The following ZNF92 variants were observed in gnomAD, a reference collection of about 807,000 sequenced individuals.
The protein encoded by ZNF92 is epididymis luminal protein 203.
A neutral mutation model predicts 12.4 loss-of-function variants in ZNF92; 11 were observed. The observed-to-expected ratio is 0.89, with a 90% CI of 0.56 to 1.47. ZNF92 has a LOEUF of 1.47. Among genes scored for constraint, ZNF92 ranks in the 40% most tolerant of loss-of-function variants. ZNF92 has a pLI of 0.00. For missense variants in ZNF92, 622 were observed against 681.0 expected (o/e 0.91, Z 0.96); for synonymous variants, 206 against 228.6 (o/e 0.90, Z 0.89).
chr7:65,390,887 T>A (rs2116382685), intron 3 of ZNF92, among the ~76,000 whole-genome samples: 1 of 152,282 alleles, frequency 6.6e-6, no homozygotes, highest in South Asian at 2.1e-4. Context: ...TCCAGGCCGC[T>A]GGAAGGGCAG....
At chr7:65,378,988 T>G (rs537250419) in intron 1 of ZNF92, among the ~76,000 whole-genome samples, 7 of 152,232 alleles carry the variant, frequency 4.6e-5, no homozygotes, top group African/African-American at 1.7e-4. Flanking sequence ...TTTCCCTGCT[T>G]CTTTTTTTTG....
At chr7:65,397,692 A>G (rs1057341794) in intron 3 of ZNF92, among the ~76,000 whole-genome samples, 3 of 152,054 alleles carry the variant, frequency 2.0e-5, no homozygotes, top group East Asian at 1.9e-4. Context: ...GAGTCTCTCA[A>G]ACATGTTCTT....
chr7:65,389,647 G>T (rs1304402599), intron 3 of ZNF92, among the ~76,000 whole-genome samples: 1 of 151,892 alleles, frequency 6.6e-6, no homozygotes, highest in African/African-American at 2.4e-5. Context: ...CTCCCGAGTA[G>T]CTGGGACTAT....
At chr7:65,386,442 A>G (rs763026977) in intron 1 of ZNF92, among the ~76,000 whole-genome samples, 9 of 152,078 alleles carry the variant, frequency 5.9e-5, no homozygotes, top group Non-Finnish European at 1.2e-4. Flanking sequence ...ATATGGGAGG[A>G]TGAATATACT....
chr7:65,382,741 C>T (rs570446828), intron 1 of ZNF92, among the ~76,000 whole-genome samples: 22 of 152,144 alleles, frequency 1.4e-4, no homozygotes, highest in African/African-American at 4.6e-4. Context: ...TTTAAAATGC[C>T]CACAAATGTG....
At position 65,374,326 on chromosome 7, in the gene ZNF92, G is replaced by A. The variant is rs187897298; in HGVS notation, c.3+326G>A. On this transcript the variant is annotated intron_variant, in intron 1 of 3. Coordinates refer to ENST00000328747, the MANE Select transcript of ZNF92 (RefSeq NM_152626.4). Reference sequence around the variant, plus strand: ...GGAGAATAGTAAAGAGAAGAATCCTGACTCGGGGTGCGGGGTTTATGAATG... The same window carrying A: ...GGAGAATAGTAAAGAGAAGAATCCTAACTCGGGGTGCGGGGTTTATGAATG... 9.2e-5 allele frequency among the ~76,000 whole-genome samples: 14 copies of A among 152,288 alleles called. No individual in the cohort carries two copies. In the East Asian group the frequency reaches 2.7e-3, roughly 29 times the overall value.
intron 3 of ZNF92, among the ~76,000 whole-genome samples, chr7:65,395,684 T>C (rs1220847588): frequency 6.6e-6 from 1 of 152,130 alleles, no homozygotes; most frequent in Non-Finnish European, 1.5e-5. Context: ...TAGACAGTTA[T>C]GGTAGTTATA....
intron 3 of ZNF92, among the ~76,000 whole-genome samples, chr7:65,393,668 A>T (rs1426415384): frequency 1.3e-5 from 2 of 151,216 alleles, no homozygotes; most frequent in African/African-American, 4.9e-5. Flanking sequence ...GGTGCCTTTT[A>T]AAAAATGTAT....
intron 3 of ZNF92, among the ~76,000 whole-genome samples, chr7:65,398,103 C>A (rs1376581857): frequency 6.6e-6 from 1 of 152,054 alleles, no homozygotes; most frequent in Non-Finnish European, 1.5e-5. Context: ...CTATGTAGCT[C>A]TTTGCATTGT....
rs1207888499 is a variant in ZNF92, at chr7:65,394,384, CTCTAT to C, written c.227-3953_227-3949del. Reference sequence around the variant, plus strand: ...ATATAGAAGGGTTCATTTCTAGGCTCTCTATTCTGTTCTTTCATCTCTTTATCTGT... The same window carrying C: ...ATATAGAAGGGTTCATTTCTAGGCTCTCTGTTCTTTCATCTCTTTATCTGT... On this transcript the variant is annotated intron_variant, in intron 3 of 3. Transcript: ENST00000328747. Among the ~76,000 whole-genome samples, 68 of 152,094 alleles carry C rather than the reference CTCTAT, an allele frequency of 4.5e-4. 1 individual carries two copies. Among genetic ancestry groups the C allele is most frequent in the African/African-American group, 1.5e-3 (64 of 41,494 alleles).
At chr7:65,380,904 AG>A (rs1204290909) in intron 1 of ZNF92, among the ~76,000 whole-genome samples, 14 of 152,038 alleles carry the variant, frequency 9.2e-5, no homozygotes, top group Non-Finnish European at 4.4e-5. Flanking sequence ...TACTGGTGTG[AG>A]ATGGTATCTC....
chr7:65,394,165 C>T (rs1291087568), intron 3 of ZNF92, among the ~76,000 whole-genome samples: 1 of 151,984 alleles, frequency 6.6e-6, no homozygotes, highest in African/African-American at 2.4e-5. Context: ...TAATGTCTTT[C>T]CTCTATATTG....
rs1180354238 is a variant in ZNF92, at chr7:65,399,752, T to C, written c.1638T>C (p.Phe546=). The C allele has an allele frequency of 6.2e-7, 1 of 1,613,646 alleles. No homozygotes were observed. The highest frequency in any genetic ancestry group is 1.7e-5 in the Admixed American group (1 of 59,990). Residue 546 remains phenylalanine, a synonymous_variant, in exon 4 of 4, where the codon TTT becomes TTC. Coordinates refer to ENST00000328747, the MANE Select transcript of ZNF92 (RefSeq NM_152626.4). The part of the protein sequence containing the change: ...PYKYEECDKA[F]NKFSTLITHQ... The stretch of plus-strand genomic sequence containing the variant: ...AATATGAAGAATGTGACAAAGCCTT[T>C]AACAAGTTCTCAACCCTTATTACAC...
At position 65,400,858 on chromosome 7, in the gene ZNF92, ATTAT is replaced by A. The variant is rs1162029620; in HGVS notation, c.*988_*991del. On this transcript the variant is annotated 3_prime_UTR_variant, in exon 4 of 4. Transcript: ENST00000328747. The stretch of plus-strand genomic sequence containing the variant: ...GAGAGATTCTTTTTTATAGGTGGGC[ATTAT>A]TTATGCCCCTTTCTGTGGAAGAGTA... 1 of 151,942 alleles carries A rather than the reference ATTAT, an allele frequency of 6.6e-6. No individual in the cohort carries two copies. Among genetic ancestry groups the A allele is most frequent in the Non-Finnish European group, 1.5e-5 (1 of 67,892 alleles). The allele number at this position is 151,942 out of a possible 1,614,324, so 9.4% of individuals were successfully genotyped here. A position where few individuals can be genotyped will look rare whatever the true frequency, so the allele number is the denominator to read the frequency against.
intron 1 of ZNF92, among the ~76,000 whole-genome samples, chr7:65,374,223 G>C (rs1199519255): frequency 6.6e-6 from 1 of 152,136 alleles, no homozygotes; most frequent in East Asian, 1.9e-4. Flanking sequence ...CGCAGTGACT[G>C]TGCTTTGGCC....
At position 65,385,659 on chromosome 7, in the gene ZNF92, C is replaced by T. The variant is rs531023216; in HGVS notation, c.4-2243C>T. 3.3e-5 allele frequency among the ~76,000 whole-genome samples: 5 copies of T among 152,212 alleles called. No individual in the cohort carries two copies. The South Asian group carries it at 1.0e-3, about 32-fold the overall frequency. On this transcript the variant is annotated intron_variant, in intron 1 of 3. Coordinates refer to ENST00000328747, the MANE Select transcript of ZNF92 (RefSeq NM_152626.4). Reference sequence around the variant, plus strand: ...AGAGCAGCTTATTTTTCCTGAATCTCTTCTGTTATAGAGGACAGAAATGGG... The same window carrying T: ...AGAGCAGCTTATTTTTCCTGAATCTTTTCTGTTATAGAGGACAGAAATGGG...
rs954558414 is a variant in ZNF92 at position 65,384,797 on chromosome 7, TAAAC to T, written c.4-3101_4-3098del. 1.1e-4 allele frequency among the ~76,000 whole-genome samples: 16 copies of T among 152,110 alleles called. 1 individual carries two copies. Among genetic ancestry groups the T allele is most frequent in the Admixed American group, 6.6e-5 (1 of 15,262 alleles). ...CCTTTTTCTAAATTCTGGCAATTAT[TAAAC>T]AAAACCAACTCCCAGGGTGTTACGA... On this transcript the variant is annotated intron_variant, in intron 1 of 3. Transcript: ENST00000328747.
intron 1 of ZNF92, among the ~76,000 whole-genome samples, chr7:65,374,876 C>G (rs1793196918): frequency 6.6e-6 from 1 of 152,074 alleles, no homozygotes; most frequent in African/African-American, 2.4e-5. Flanking sequence ...ATCCCTCATT[C>G]CTCCAGCTTA....
intron 1 of ZNF92, among the ~76,000 whole-genome samples, chr7:65,374,505 G>A (rs2116323644): frequency 1.3e-5 from 2 of 151,926 alleles, no homozygotes; most frequent in East Asian, 1.9e-4. Context: ...TCCGTGGGAG[G>A]GGCTTGAAGG....
Sources: gnomAD v4.1 joint callset for allele counts (sites outside exome capture counted in the v4.1 genomes callset) on GRCh38, gnomAD v4.1.1 for gene constraint, MANE v1.5 for transcripts, NCBI Gene and HGNC (gene_info 2026-07-23, HGNC 2026-07-21) for gene names.